CACNA2D1: variants seen among roughly 807,000 people sequenced by gnomAD.
CACNA2D1 encodes calcium voltage-gated channel auxiliary subunit alpha2delta 1.
CACNA2D1 carries 53 observed loss-of-function variants against 171.5 expected under a neutral mutation model. The ratio of observed to expected loss-of-function variants is 0.31; its 90% CI spans 0.25 to 0.39. CACNA2D1 has a LOEUF of 0.39. Ranked by LOEUF, CACNA2D1 falls within the 10% of genes least tolerant of loss-of-function variation. The pLI is 1.00. For missense variants in CACNA2D1, 903 were observed against 1,299.8 expected (o/e 0.69, Z 4.69); for synonymous variants, 442 against 443.1 (o/e 1.00, Z 0.03).
intron 38 of CACNA2D1, among the ~76,000 whole-genome samples, chr7:81,951,974 T>TTTTTTTTTTTTTTTTGTTTG (rs1554321705): frequency 6.8e-5 from 10 of 147,716 alleles, no homozygotes; most frequent in African/African-American, 2.5e-4. Flanking sequence ...AAAGTGTTTT[T>TTTTTTTTTTTTTTTTGTTTG]TTTTTTTTTT....
chr7:82,223,058 C>T (rs1395733810), intron 3 of CACNA2D1, among the ~76,000 whole-genome samples: 4 of 151,856 alleles, frequency 2.6e-5, no homozygotes, highest in East Asian at 1.9e-4. Flanking sequence ...CACATGTCAC[C>T]ACACCCAGCT....
At chr7:82,410,792 A>G (rs768157907) in intron 1 of CACNA2D1, among the ~76,000 whole-genome samples, 1 of 152,230 alleles carries the variant, frequency 6.6e-6, no homozygotes, top group Non-Finnish European at 1.5e-5. Flanking sequence ...GTACCAAGCG[A>G]TGAGTCTTTT....
At chr7:82,193,379 T>C (rs1221584277) in intron 3 of CACNA2D1, among the ~76,000 whole-genome samples, 7 of 152,056 alleles carry the variant, frequency 4.6e-5, no homozygotes, top group Admixed American at 3.3e-4. Context: ...CTGACAAATA[T>C]CTGGGATATT....
chr7:82,256,948 T>G (rs1350924548), intron 3 of CACNA2D1, among the ~76,000 whole-genome samples: 1 of 152,200 alleles, frequency 6.6e-6, no homozygotes, highest in Non-Finnish European at 1.5e-5. Flanking sequence ...TTCAAAAATG[T>G]AACTACTTCA....
At chr7:82,126,593 C>T (rs542699842) in intron 5 of CACNA2D1, among the ~76,000 whole-genome samples, 8 of 152,064 alleles carry the variant, frequency 5.3e-5, no homozygotes, top group Non-Finnish European at 7.4e-5. Context: ...GCAGTGTTTT[C>T]GAATAAACAC....
chr7:82,096,334 G>A (rs867664843), intron 6 of CACNA2D1, among the ~76,000 whole-genome samples: 3 of 151,986 alleles, frequency 2.0e-5, no homozygotes, highest in African/African-American at 7.3e-5. Context: ...TCCTATACCC[G>A]AGCTCCAGGG....
At chr7:82,038,962 C>A (rs1277155830) in intron 10 of CACNA2D1, among the ~76,000 whole-genome samples, 1 of 152,086 alleles carries the variant, frequency 6.6e-6, no homozygotes, top group African/African-American at 2.4e-5. Context: ...ATATTCACAT[C>A]GTTCCCTGGA....
intron 1 of CACNA2D1, among the ~76,000 whole-genome samples, chr7:82,420,619 TTC>T (rs1412530040): frequency 6.6e-6 from 1 of 152,196 alleles, no homozygotes; most frequent in Non-Finnish European, 1.5e-5. Flanking sequence ...GGAAATCCAG[TTC>T]TGTCTCTTAT....
At chr7:82,190,210 A>G (rs1392790714) in intron 3 of CACNA2D1, among the ~76,000 whole-genome samples, 1 of 151,830 alleles carries the variant, frequency 6.6e-6, no homozygotes, top group African/African-American at 2.4e-5. Flanking sequence ...CTCCACAGAA[A>G]GAATCATCTC....
At chr7:82,346,725 G>A (rs1345827639) in intron 2 of CACNA2D1, among the ~76,000 whole-genome samples, 2 of 151,764 alleles carry the variant, frequency 1.3e-5, no homozygotes, top group Non-Finnish European at 2.9e-5. Flanking sequence ...AAATATTCAA[G>A]AGTAGATCAT....
chr7:82,252,340 C>T (rs1805743113), intron 3 of CACNA2D1, among the ~76,000 whole-genome samples: 1 of 152,170 alleles, frequency 6.6e-6, no homozygotes, highest in Non-Finnish European at 1.5e-5. Context: ...ACTTGCCTTT[C>T]AGTAACAGCT....
At chr7:82,047,885 G>GAGAC (rs1290284230) in intron 10 of CACNA2D1, among the ~76,000 whole-genome samples, 1 of 152,142 alleles carries the variant, frequency 6.6e-6, no homozygotes, top group Non-Finnish European at 1.5e-5. Flanking sequence ...TGCTGTCTGA[G>GAGAC]AGACAGTAGT....
chr7:81,960,481 G>T (rs1032625854), intron 36 of CACNA2D1, among the ~76,000 whole-genome samples: 1 of 151,954 alleles, frequency 6.6e-6, no homozygotes, highest in African/African-American at 2.4e-5. Context: ...AGAATCAAGG[G>T]TTTTGAATTC....
chr7:81,965,573 C>T, intron 32 of CACNA2D1, 21 bp downstream of exon 32: 1 of 1,306,818 alleles, frequency 7.7e-7, no homozygotes, highest in Non-Finnish European at 1.1e-6. Context: ...AGCCTAATTC[C>T]CTCTTATTTG....
At chr7:82,394,280 A>G (rs1436051250) in intron 1 of CACNA2D1, among the ~76,000 whole-genome samples, 1 of 152,178 alleles carries the variant, frequency 6.6e-6, no homozygotes, top group Non-Finnish European at 1.5e-5. Flanking sequence ...GCTTAGAAGA[A>G]AAATGACAAA....
At chr7:82,185,383 C>G (rs1457258715) in intron 3 of CACNA2D1, among the ~76,000 whole-genome samples, 1 of 148,706 alleles carries the variant, frequency 6.7e-6, no homozygotes, top group Non-Finnish European at 1.5e-5. Flanking sequence ...TAAACATTAC[C>G]CACCCCGATA....
At chr7:82,407,221 T>C (rs1443274462) in intron 1 of CACNA2D1, among the ~76,000 whole-genome samples, 3 of 152,168 alleles carry the variant, frequency 2.0e-5, no homozygotes, top group African/African-American at 7.2e-5. Flanking sequence ...GTGAGCTCAC[T>C]TTGCTAGACT....
intron 1 of CACNA2D1, among the ~76,000 whole-genome samples, chr7:82,381,574 C>G (rs1823719759): frequency 6.6e-6 from 1 of 152,136 alleles, no homozygotes; most frequent in Non-Finnish European, 1.5e-5. Context: ...TATTATTTTA[C>G]CCTTACCTCT....
At chr7:82,185,552 A>C (rs1376269966) in intron 3 of CACNA2D1, among the ~76,000 whole-genome samples, 1 of 7,550 alleles carries the variant, frequency 1.3e-4, no homozygotes, top group South Asian at 6.0e-3. Context: ...GGGGAGGGGG[A>C]GGAGGGGGAG....
Sources: gnomAD v4.1 joint callset for allele counts (sites outside exome capture counted in the v4.1 genomes callset) on GRCh38, gnomAD v4.1.1 for gene constraint, MANE v1.5 for transcripts, NCBI Gene and HGNC (gene_info 2026-07-23, HGNC 2026-07-21) for gene names.